Variants in SYT11 observed in about 807,000 individuals in gnomAD.
SYT11 encodes synaptotagmin 11, also known as synaptotagmin-11.
In SYT11, 12 loss-of-function variants were observed where a neutral mutation model predicts 30.4. The ratio of observed to expected loss-of-function variants is 0.39; its 90% CI spans 0.25 to 0.64. SYT11 has a LOEUF of 0.64. Ranked by LOEUF, SYT11 falls within the 30% of genes least tolerant of loss-of-function variation. The probability of loss-of-function intolerance (pLI) is 0.45; values close to 1 mark genes in which losing one functional copy is unlikely to be tolerated. For missense variants in SYT11, 412 were observed against 552.0 expected, an observed-to-expected ratio of 0.75 and a Z score of 2.54; for synonymous variants, 204 against 216.0, an observed-to-expected ratio of 0.94 and a Z score of 0.49.
intron 1 of SYT11, among the ~76,000 whole-genome samples, chr1:155,866,722 T>A (rs1454622862): frequency 6.6e-6 from 1 of 151,806 alleles, no homozygotes; most frequent in East Asian, 1.9e-4. Flanking sequence ...ATGGAGAAGA[T>A]TGCACTTTTA....
At chr1:155,864,779 C>G (rs1240731339) in intron 1 of SYT11, among the ~76,000 whole-genome samples, 1 of 146,882 alleles carries the variant, frequency 6.8e-6, no homozygotes, top group Non-Finnish European at 1.5e-5. Context: ...AGCACAATCT[C>G]AGCTCACTGC....
chr1:155,879,692 G>A (rs774326110), intron 2 of SYT11, among the ~76,000 whole-genome samples: 3 of 152,226 alleles, frequency 2.0e-5, no homozygotes. Context: ...CCACTGTACA[G>A]TCTTCAGAAC....
Position 155,881,524 on chromosome 1 carries a change from C to T in SYT11, c.*16C>T. 4 of 1,569,668 alleles carry T rather than the reference C, an allele frequency of 2.5e-6. No individual in the cohort carries two copies. The highest frequency in any genetic ancestry group is 3.5e-6 in the Non-Finnish European group (4 of 1,152,612). ...CGAGTACTAATCCTGTTCTTCTCTC[C>T]TCTAATCCCCGGGGGCCAAGCTGGG... On this transcript the variant is annotated 3_prime_UTR_variant, in exon 4 of 4. Coordinates refer to ENST00000368324, the MANE Select transcript of SYT11 (RefSeq NM_152280.5).
At chr1:155,865,008 G>A (rs1007474648) in intron 1 of SYT11, among the ~76,000 whole-genome samples, 1 of 152,058 alleles carries the variant, frequency 6.6e-6, no homozygotes, top group Non-Finnish European at 1.5e-5. Flanking sequence ...ACCGCACCAG[G>A]CCTCAATCCT....
chr1:155,872,777 T>C (rs822516), intron 2 of SYT11, among the ~76,000 whole-genome samples: 134,897 of 152,174 alleles, frequency 0.89, 60,333 homozygotes, highest in East Asian at 1. Context: ...TGACATTAAA[T>C]TGCCTTCAAT....
chr1:155,876,083 G>A (rs903388593), intron 2 of SYT11, among the ~76,000 whole-genome samples: 1 of 152,008 alleles, frequency 6.6e-6, no homozygotes, highest in Non-Finnish European at 1.5e-5. Flanking sequence ...TTGGTGATGA[G>A]CATAGTCTAT....
rs967837733 is a variant in SYT11 at position 155,860,649 on chromosome 1, C to A, written c.34+854C>A. ...AAGAGGCCCAGCCCGGGGGAGGCCG[C>A]TTTGTGTACCGCAGAAAGCATTACG... On this transcript the variant is annotated intron_variant, in intron 1 of 3. Coordinates refer to ENST00000368324, the MANE Select transcript of SYT11 (RefSeq NM_152280.5). This position sits in a 1 kb window ranked among gnomAD's most constrained non-coding sequence, Gnocchi z 4.1. 2.0e-5 allele frequency among the ~76,000 whole-genome samples: 3 copies of A among 152,180 alleles called. No individual in the cohort carries two copies. The highest frequency in any genetic ancestry group is 1.9e-4 in the East Asian group (1 of 5,186).
At chr1:155,876,932 C>G (rs1338095681) in intron 2 of SYT11, among the ~76,000 whole-genome samples, 1 of 151,082 alleles carries the variant, frequency 6.6e-6, no homozygotes, top group Non-Finnish European at 1.5e-5. Context: ...GTTACAGGCG[C>G]CCGCCACCAC....
At chr1:155,867,062 A>AT (rs1192561409) in intron 1 of SYT11, among the ~76,000 whole-genome samples, 1 of 61,010 alleles carries the variant, frequency 1.6e-5, no homozygotes, top group Admixed American at 3.0e-4. Flanking sequence ...CTGGAGGAAT[A>AT]CCTTTTTTTT....
At chr1:155,874,957 T>C (rs1363121661) in intron 2 of SYT11, among the ~76,000 whole-genome samples, 1 of 146,752 alleles carries the variant, frequency 6.8e-6, no homozygotes, top group Non-Finnish European at 1.5e-5. Context: ...ATGGATACGA[T>C]TAAGAGCTGA....
Position 155,882,242 on chromosome 1 carries a change from T to C in SYT11, c.*734T>C, listed in dbSNP as rs1445307179. On this transcript the variant is annotated 3_prime_UTR_variant, in exon 4 of 4. Coordinates refer to ENST00000368324, the MANE Select transcript of SYT11 (RefSeq NM_152280.5). Reference sequence around the variant, plus strand: ...GCTGATTACCTGAAATTGGCTTCTTTTTATTGGGCTTCTCTGGAGAATTTC... The same window carrying C: ...GCTGATTACCTGAAATTGGCTTCTTCTTATTGGGCTTCTCTGGAGAATTTC... 1.3e-5 allele frequency: 2 copies of C among 152,354 alleles called. No individual in the cohort carries two copies. The highest frequency in any genetic ancestry group is 4.8e-5 in the African/African-American group (2 of 41,466). 9.4% of individuals were successfully genotyped at this position (152,354 alleles called of 1,614,324 possible).
chr1:155,881,813 C>G lies in SYT11; in HGVS notation c.*305C>G, dbSNP rs1672969004. ...GTGAGATCTCAACTCACTGCAACCTCTGCCCTCCAGGTTCAAGTGATTCTC... is the reference window on the plus strand; with the variant it reads ...GTGAGATCTCAACTCACTGCAACCTGTGCCCTCCAGGTTCAAGTGATTCTC... On this transcript the variant is annotated 3_prime_UTR_variant, in exon 4 of 4. Transcript: ENST00000368324. 1 of 185,250 alleles carries G rather than the reference C, an allele frequency of 5.4e-6. No individual in the cohort carries two copies. The highest frequency in any genetic ancestry group is 1.4e-4 in the East Asian group (1 of 7,282). 11.5% of individuals were successfully genotyped at this position (185,250 alleles called of 1,614,324 possible). A position where few individuals can be genotyped will look rare whatever the true frequency, so the allele number is the denominator to read the frequency against.
intron 2 of SYT11, among the ~76,000 whole-genome samples, chr1:155,879,818 G>A (rs1325241736): frequency 6.6e-6 from 1 of 152,208 alleles, no homozygotes; most frequent in Non-Finnish European, 1.5e-5. Flanking sequence ...AATGCTATGT[G>A]GTAGGTACAA....
Position 155,873,180 on chromosome 1 carries a change from C to G in SYT11, c.861+4389C>G, listed in dbSNP as rs557342692. Among the ~76,000 whole-genome samples the G allele has an allele frequency of 1.3e-4, 20 of 152,268 alleles. No homozygotes were observed. The South Asian group carries it at 3.9e-3, about 30-fold the overall frequency. On this transcript the variant is annotated intron_variant, in intron 2 of 3. Coordinates refer to ENST00000368324, the MANE Select transcript of SYT11 (RefSeq NM_152280.5). ...CGGTGTCTCAGGCCTGTAATCCCAG[C>G]CCTTTGGGAGGCCGAGGCAGGCGGA... is the stretch of plus-strand genomic sequence containing the variant.
In SYT11 at chr1:155,883,304, T is replaced by A. The variant is rs1673011162; in HGVS notation, c.*1796T>A. On this transcript the variant is annotated 3_prime_UTR_variant, in exon 4 of 4. Transcript: ENST00000368324. ...ATCCCAGTATTTTGGGAGGCCGAGG[T>A]GGAAAGATCGCTTGAGCCCAGGAGT... 6.6e-6 allele frequency: 1 copy of A among 152,184 alleles called. No individual in the cohort carries two copies. Among genetic ancestry groups the A allele is most frequent in the South Asian group, 2.1e-4 (1 of 4,824 alleles). The allele number at this position is 152,184 out of a possible 1,614,324, so 9.4% of individuals were successfully genotyped here. A position where few individuals can be genotyped will look rare whatever the true frequency, so the allele number is the denominator to read the frequency against.
chr1:155,869,502 C>T (rs754264388), intron 2 of SYT11, among the ~76,000 whole-genome samples: 9 of 152,014 alleles, frequency 5.9e-5, no homozygotes, highest in Non-Finnish European at 1.0e-4. Flanking sequence ...GAACTTCTAT[C>T]CTCAGGTGAT....
chr1:155,877,156 G>A (rs1032042276), intron 2 of SYT11, among the ~76,000 whole-genome samples: 5 of 151,992 alleles, frequency 3.3e-5, no homozygotes, highest in African/African-American at 1.2e-4. Flanking sequence ...TTTTAGTAGA[G>A]ACAGGGTTTC....
chr1:155,870,688 G>T (rs1672767087), intron 2 of SYT11, among the ~76,000 whole-genome samples: 1 of 152,190 alleles, frequency 6.6e-6, no homozygotes, highest in African/African-American at 2.4e-5. Context: ...TGTGCAGTGA[G>T]TACCCAGGAA....
chr1:155,881,975 C>T lies in SYT11; in HGVS notation c.*467C>T, dbSNP rs189087412. ...AATTCCAGACCTCAGGTGATCCACC[C>T]GCCTCGGCCTCCCAAAGTGCTGGGA... On this transcript the variant is annotated 3_prime_UTR_variant, in exon 4 of 4. Transcript: ENST00000368324. 691 of 151,820 alleles carry T rather than the reference C, an allele frequency of 4.6e-3. 2 individuals carry two copies. The highest frequency in any genetic ancestry group is 0.014 in the Middle Eastern group (4 of 292). The allele number at this position is 151,820 out of a possible 1,614,324, so 9.4% of individuals were successfully genotyped here.
Sources: allele counts gnomAD v4.1 joint callset (sites outside exome capture counted in the v4.1 genomes callset), GRCh38; gene constraint gnomAD v4.1.1; non-coding constraint Gnocchi (gnomAD v3.1); transcripts MANE v1.5; gene names NCBI Gene and HGNC (gene_info 2026-07-23, HGNC 2026-07-21).